ADCK2: variants seen among roughly 807,000 people sequenced by gnomAD.
ADCK2 encodes the protein aarF domain containing kinase 2.
Under a neutral mutation model 52.3 loss-of-function variants are expected in ADCK2, and 37 were observed. The ratio of observed to expected loss-of-function variants is 0.71; its 90% CI spans 0.54 to 0.93. The LOEUF is 0.93. Among genes scored for constraint, ADCK2 ranks in the 40% least tolerant of loss-of-function variants. The probability of loss-of-function intolerance (pLI) is 0.00; values close to 1 mark genes in which losing one functional copy is unlikely to be tolerated. For missense variants in ADCK2, 695 were observed against 798.7 expected (o/e 0.87, Z 1.56); for synonymous variants, 321 against 349.2 (o/e 0.92, Z 0.90).
Position 140,681,076 on chromosome 7 carries a change from G to T in ADCK2, c.1244G>T (p.Gly415Val). 1 of 1,614,156 alleles carries T rather than the reference G, an allele frequency of 6.2e-7. No individual in the cohort carries two copies. The highest frequency in any genetic ancestry group is 8.5e-7 in the Non-Finnish European group (1 of 1,180,030). The change falls in exon 4 of 8, where the codon GGA becomes GTA. Residue 415 changes from glycine to valine, a missense_variant. Physicochemically the swap from Gly to Val is moderately radical, Grantham distance 109 (BLOSUM62 -3). Transcript: ENST00000072869. ...CCTGTGTCCAGTTACCAGCAGGCAG[G>T]AATTCCCGTGGACTTGAAAAGGAAG... The part of the protein sequence containing the change: ...SVPVSSYQQA[G>V]IPVDLKRKIA...
Position 140,694,720 on chromosome 7 carries a change from C to G in ADCK2, c.1798C>G (p.Leu600Val). The change falls in exon 8 of 8, where the codon CTT becomes GTT. Residue 600 changes from leucine (L) to valine (V), a missense_variant. Coordinates refer to ENST00000072869, the MANE Select transcript of ADCK2 (RefSeq NM_052853.4). Reference sequence around the variant, plus strand: ...GTTTGCCATCATGGTGTTGGAGGGGCTTGGCCGCTCACTGGACCCCAAACT... The same window carrying G: ...GTTTGCCATCATGGTGTTGGAGGGGGTTGGCCGCTCACTGGACCCCAAACT... ...IVFAIMVLEG[L>V]GRSLDPKLDI... 6.2e-7 allele frequency: 1 copy of G among 1,614,142 alleles called. No homozygotes were observed.
At position 140,673,215 on chromosome 7, in the gene ADCK2, C is replaced by A; in HGVS notation, c.-116C>A. On this transcript the variant is annotated 5_prime_UTR_variant, in exon 1 of 8. Transcript: ENST00000072869. The surrounding 1 kb of genome is among the most constrained non-coding windows in gnomAD (Gnocchi z 6.4). ...GAGGGAGCGGGGCGCGGATCCGGCC[C>A]AGATGGGCAGCTCCGTCCGCGGGGT... 1.1e-6 allele frequency: 1 copy of A among 891,594 alleles called. No individual in the cohort carries two copies. The allele number at this position is 891,594 out of a possible 1,614,324, so 55.2% of individuals were successfully genotyped here.
At chr7:140,685,278 G>A (rs527863577) in intron 4 of ADCK2, among the ~76,000 whole-genome samples, 10 of 151,876 alleles carry the variant, frequency 6.6e-5, no homozygotes, top group East Asian at 1.9e-4. Flanking sequence ...GTGAAACCCC[G>A]TCTCTACTAA....
intron 3 of ADCK2, among the ~76,000 whole-genome samples, chr7:140,680,797 G>T (rs1794502121): frequency 6.6e-6 from 1 of 151,934 alleles, no homozygotes; most frequent in Admixed American, 6.6e-5. Flanking sequence ...GAGTTGAGGT[G>T]GTTCTCCCTC....
In ADCK2 at chr7:140,678,504, C is replaced by T. The variant is rs1049159634; in HGVS notation, c.1081-651C>T. 1.3e-5 allele frequency among the ~76,000 whole-genome samples: 2 copies of T among 152,096 alleles called. No homozygotes were observed. The highest frequency in any genetic ancestry group is 4.8e-5 in the African/African-American group (2 of 41,404). ...TCGGTCAGGAGAAAGGACATCAGCT[C>T]CTGGGGGCACAGGAGACCCAGCCAA... On this transcript the variant is annotated intron_variant, in intron 2 of 7. Coordinates refer to ENST00000072869, the MANE Select transcript of ADCK2 (RefSeq NM_052853.4). This position sits in a 1 kb window ranked among gnomAD's most constrained non-coding sequence, Gnocchi z 4.9.
chr7:140,681,379 G>C (rs1034138908), intron 4 of ADCK2, among the ~76,000 whole-genome samples: 1 of 151,566 alleles, frequency 6.6e-6, no homozygotes, highest in Non-Finnish European at 1.5e-5. Context: ...GTGCGGTGGC[G>C]TGATCTCGGC....
chr7:140,673,298 G>A lies in ADCK2; in HGVS notation c.-33G>A, dbSNP rs1394292156. The A allele has an allele frequency of 1.4e-6, 2 of 1,422,034 alleles. No homozygotes were observed. 88.1% of individuals were successfully genotyped at this position (1,422,034 alleles called of 1,614,324 possible). On this transcript the variant is annotated 5_prime_UTR_variant, in exon 1 of 8. Transcript: ENST00000072869. The surrounding 1 kb of genome is among the most constrained non-coding windows in gnomAD (Gnocchi z 6.4). ...CCTGAGCGGGCGCCTCTGAAGTGGA[G>A]GGCGGGCCGCCTGGGCCGCGGGCCT...
At chr7:140,680,832 C>T (rs1418626118) in intron 3 of ADCK2, among the ~76,000 whole-genome samples, 2 of 152,016 alleles carry the variant, frequency 1.3e-5, no homozygotes, top group Non-Finnish European at 2.9e-5. Flanking sequence ...GGTCTTGAAC[C>T]CCTGGGCTCA....
rs945368117 is a variant in ADCK2, at chr7:140,673,046, G to T, written c.-285G>T. On this transcript the variant is annotated 5_prime_UTR_variant, in exon 1 of 8. Coordinates refer to ENST00000072869, the MANE Select transcript of ADCK2 (RefSeq NM_052853.4). The surrounding 1 kb of genome is among the most constrained non-coding windows in gnomAD (Gnocchi z 6.4). The stretch of plus-strand genomic sequence containing the variant: ...CGGCCCCCTCGCTCAGGTCGCGGGC[G>T]CCCGGGGCCTGGCTTCGCGTGGGTC... 2.2e-4 allele frequency: 43 copies of T among 193,442 alleles called. No individual in the cohort carries two copies. Among genetic ancestry groups the T allele is most frequent in the Non-Finnish European group, 4.4e-4 (42 of 96,450 alleles). The allele number at this position is 193,442 out of a possible 1,614,324, so 12.0% of individuals were successfully genotyped here. A position where few individuals can be genotyped will look rare whatever the true frequency, so the allele number is the denominator to read the frequency against.
At position 140,674,675 on chromosome 7, in the gene ADCK2, G is replaced by C. The variant is rs758167936; in HGVS notation, c.998G>C (p.Arg333Pro). 1 of 1,614,148 alleles carries C rather than the reference G, an allele frequency of 6.2e-7. No individual in the cohort carries two copies. The highest frequency in any genetic ancestry group is 8.5e-7 in the Non-Finnish European group (1 of 1,180,028). The change falls in exon 2 of 8, where the codon CGA (arginine) becomes CCA (proline). Residue 333 changes from arginine to proline, a missense_variant. Arg to Pro is a moderately radical substitution (Grantham distance 103). Transcript: ENST00000072869. The surrounding 1 kb of genome is among the most constrained non-coding windows in gnomAD (Gnocchi z 4.6). ...CTGCTGCTGATGAAGATTGGCAGCC[G>C]AGTCCTGGGAGTTTTGCCAGGCATC... ...MDLLLMKIGSRVLGVLPGIKW... is the reference protein window; with the variant it reads ...MDLLLMKIGSPVLGVLPGIKW...
intron 7 of ADCK2, 83 bp from the exon 8 acceptor site, chr7:140,694,576 TGAGA>T: frequency 7.4e-7 from 1 of 1,347,324 alleles, no homozygotes; most frequent in Admixed American, 1.9e-5. Flanking sequence ...TGAGGGAGGC[TGAGA>T]GTGGACAGCA....
At chr7:140,692,129 C>A (rs1259311232) in intron 7 of ADCK2, among the ~76,000 whole-genome samples, 1 of 152,198 alleles carries the variant, frequency 6.6e-6, no homozygotes, top group Non-Finnish European at 1.5e-5. Context: ...CATTGTGCAA[C>A]AGATCTCTAG....
chr7:140,687,066 C>T lies in ADCK2; in HGVS notation c.1382C>T (p.Ser461Leu), dbSNP rs200197811. The T allele has an allele frequency of 1.5e-4, 235 of 1,614,042 alleles. No homozygotes were observed. The highest frequency in any genetic ancestry group is 1.9e-4 in the Non-Finnish European group (222 of 1,180,040). The change falls in exon 5 of 8, where the codon TCG becomes TTG. Residue 461 changes from serine to leucine, a missense_variant. Coordinates refer to ENST00000072869, the MANE Select transcript of ADCK2 (RefSeq NM_052853.4). ...GTTCAGGGTGCCAACGGCCTGTCCT[C>T]GAGTCAGGAGGCGCAGCTGCAGCAG... ...ILVQGANGLS[S>L]SQEAQLQQAD...
In ADCK2 at chr7:140,690,774, C is replaced by G. The variant is rs192475820; in HGVS notation, c.1701C>G (p.Ser567Arg). 63 of 1,613,570 alleles carry G rather than the reference C, an allele frequency of 3.9e-5. No individual in the cohort carries two copies. The African/African-American group carries it at 8.3e-4, about 21-fold the overall frequency. Residue 567 changes from serine to arginine, a missense_variant, in exon 7 of 8, where the codon AGC (serine) becomes AGG (arginine). Coordinates refer to ENST00000072869, the MANE Select transcript of ADCK2 (RefSeq NM_052853.4). ...TITLEKLHVSSLLSSVFKLLM... is the reference protein window; with the variant it reads ...TITLEKLHVSRLLSSVFKLLM... ...TGTTTTTCCAGCTTCATGTGTCCAG[C>G]CTTCTCTCTAGTGTCTTTAAGTTGC...
chr7:140,689,807 C>T, intron 6 of ADCK2, 82 bp downstream of exon 6: 1 of 1,389,808 alleles, frequency 7.2e-7, no homozygotes, highest in South Asian at 1.7e-5. Context: ...TAAGGGAGAC[C>T]TCTTTATGAG....
At chr7:140,684,080 G>A (rs1794564045) in intron 4 of ADCK2, among the ~76,000 whole-genome samples, 1 of 152,156 alleles carries the variant, frequency 6.6e-6, no homozygotes, top group African/African-American at 2.4e-5. Context: ...TTGTCAGGAG[G>A]GGCAAGCCAT....
At chr7:140,691,156 C>A (rs888716421) in intron 7 of ADCK2, among the ~76,000 whole-genome samples, 1 of 152,078 alleles carries the variant, frequency 6.6e-6, no homozygotes, top group Admixed American at 6.6e-5. Context: ...GAACTCCTGA[C>A]CTCAGGTGAT....
chr7:140,673,100 C>G lies in ADCK2; in HGVS notation c.-231C>G. The G allele has an allele frequency of 3.6e-6, 1 of 275,864 alleles. No homozygotes were observed. The highest frequency in any genetic ancestry group is 6.6e-6 in the Non-Finnish European group (1 of 150,678). 17.1% of individuals were successfully genotyped at this position (275,864 alleles called of 1,614,324 possible). Reference sequence around the variant, plus strand: ...GCTCCTCCCGTTCCGCAGTTGGTGCCGTCTGACAGCCCCTTCCGCGCGGCG... The same window carrying G: ...GCTCCTCCCGTTCCGCAGTTGGTGCGGTCTGACAGCCCCTTCCGCGCGGCG... On this transcript the variant is annotated 5_prime_UTR_variant, in exon 1 of 8. Transcript: ENST00000072869. This position sits in a 1 kb window ranked among gnomAD's most constrained non-coding sequence, Gnocchi z 6.4.
intron 4 of ADCK2, among the ~76,000 whole-genome samples, 191 bp downstream of exon 4, chr7:140,681,328 T>TA (rs1794512686): frequency 6.6e-6 from 1 of 151,870 alleles, no homozygotes; most frequent in South Asian, 2.1e-4. Flanking sequence ...TTTTATTTTT[T>TA]TTTTTTTGAG....
Sources: allele counts gnomAD v4.1 joint callset (sites outside exome capture counted in the v4.1 genomes callset), GRCh38; gene constraint gnomAD v4.1.1; non-coding constraint Gnocchi (gnomAD v3.1); transcripts MANE v1.5; gene names NCBI Gene and HGNC (gene_info 2026-07-23, HGNC 2026-07-21).